ZFHX3: variants seen among roughly 807,000 people sequenced by gnomAD.
ZFHX3 encodes zinc finger homeobox protein 3.
In ZFHX3, 42 loss-of-function variants were observed where a neutral mutation model predicts 279.1. The ratio of observed to expected loss-of-function variants is 0.15; its 90% CI spans 0.12 to 0.19. The LOEUF is 0.19. Ranked by LOEUF, ZFHX3 falls within the 10% of genes least tolerant of loss-of-function variation. The probability of loss-of-function intolerance (pLI) is 1.00; values close to 1 mark genes in which losing one functional copy is unlikely to be tolerated. For missense variants in ZFHX3, 4,981 were observed against 4,754.0 expected (o/e 1.05, Z -1.40); for synonymous variants, 2,293 against 1,957.8 (o/e 1.17, Z -4.52).
At chr16:73,764,039 C>T (rs1597101130) in intron 1 of ZFHX3, among the ~76,000 whole-genome samples, 1 of 152,332 alleles carries the variant, frequency 6.6e-6, no homozygotes, top group East Asian at 1.9e-4. Context: ...GAACCTAGCT[C>T]AGCAGGGCCC....
rs2052787221 is a variant in ZFHX3 at position 73,661,743 on chromosome 16, AAG to A, written c.-1547+18435_-1547+18436del. 2.6e-5 allele frequency among the ~76,000 whole-genome samples: 4 copies of A among 151,802 alleles called. No homozygotes were observed. In the East Asian group the frequency reaches 5.8e-4, roughly 22 times the overall value. On this transcript the variant is annotated intron_variant, in intron 2 of 17. Transcript: ENST00000641206. ...TCTCAGAAAAAAAAAAAAAAAAAAA[AAG>A]GATGTGTGAGGTATTAGTAATGGTT...
intron 3 of ZFHX3, among the ~76,000 whole-genome samples, chr16:72,914,216 G>A (rs1371237346): frequency 6.6e-6 from 1 of 152,190 alleles, no homozygotes; most frequent in Non-Finnish European, 1.5e-5. Context: ...GAGTGACAGC[G>A]CTAAGGAGGC....
At chr16:73,461,118 T>C (rs961395004) in intron 2 of ZFHX3, among the ~76,000 whole-genome samples, 1 of 152,250 alleles carries the variant, frequency 6.6e-6, no homozygotes, top group Non-Finnish European at 1.5e-5. Context: ...TCATGATATC[T>C]CATCATCCTT....
At chr16:73,515,814 A>G (rs2019511362) in intron 2 of ZFHX3, among the ~76,000 whole-genome samples, 1 of 152,176 alleles carries the variant, frequency 6.6e-6, no homozygotes, top group African/African-American at 2.4e-5. Context: ...CATTTTGATC[A>G]TCTGACCAGC....
chr16:72,965,136 C>T (rs1961772998), intron 1 of ZFHX3, among the ~76,000 whole-genome samples: 1 of 152,234 alleles, frequency 6.6e-6, no homozygotes. Flanking sequence ...GCCTCGGCCT[C>T]CCAAAGTGCT....
chr16:73,821,784 C>T (rs75146428), intron 1 of ZFHX3, among the ~76,000 whole-genome samples: 4 of 152,326 alleles, frequency 2.6e-5, no homozygotes, highest in East Asian at 3.9e-4. Flanking sequence ...AGAAAGGAGA[C>T]GGTCGTCAGG....
rs113325845 is a variant in ZFHX3 at position 73,715,096 on chromosome 16, C to G, written c.-1607-34856G>C. On this transcript the variant is annotated intron_variant, in intron 1 of 17. Transcript: ENST00000641206. The stretch of plus-strand genomic sequence containing the variant: ...CTGCTCCCAATCTGCCTGCTCGGGT[C>G]AAGCTGGATGACTAGAAATTGTACT... Among the ~76,000 whole-genome samples, 328 of 152,278 alleles carry G rather than the reference C, an allele frequency of 2.2e-3. 1 individual carries two copies. Among genetic ancestry groups the G allele is most frequent in the African/African-American group, 7.7e-3 (322 of 41,574 alleles).
intron 1 of ZFHX3, among the ~76,000 whole-genome samples, chr16:72,985,252 C>A (rs1470656377): frequency 6.6e-6 from 1 of 152,008 alleles, no homozygotes; most frequent in African/African-American, 2.4e-5. Flanking sequence ...TCCAGTGAGG[C>A]TGATATCATC....
At chr16:73,872,803 TG>T (rs1379703088) in intron 1 of ZFHX3, among the ~76,000 whole-genome samples, 1 of 4,540 alleles carries the variant, frequency 2.2e-4, no homozygotes, top group Admixed American at 4.9e-3. Context: ...TGGATGGTGG[TG>T]GGTGGTGGGT....
intron 1 of ZFHX3, among the ~76,000 whole-genome samples, chr16:72,989,534 C>T (rs1316815809): frequency 1.3e-5 from 2 of 151,726 alleles, no homozygotes; most frequent in Non-Finnish European, 2.9e-5. Flanking sequence ...ATGCGAGAAG[C>T]AGGCTAAGAA....
At position 72,960,680 on chromosome 16, in the gene ZFHX3, A is replaced by G. The variant is rs578244684; in HGVS notation, c.-49-486T>C. 2.0e-5 allele frequency among the ~76,000 whole-genome samples: 3 copies of G among 152,278 alleles called. No individual in the cohort carries two copies. The South Asian group carries it at 6.2e-4, about 32-fold the overall frequency. ...GGGAGGGCTGAGAAGAGGGAGGTTC[A>G]ATGTCCCTGGAAAAAGGACGGTAAA... On this transcript the variant is annotated intron_variant, in intron 1 of 9. Coordinates refer to ENST00000268489, the MANE Select transcript of ZFHX3 (RefSeq NM_006885.4).
At chr16:73,495,951 G>A (rs1415114991) in intron 2 of ZFHX3, among the ~76,000 whole-genome samples, 2 of 151,960 alleles carry the variant, frequency 1.3e-5, no homozygotes, top group South Asian at 2.1e-4. Flanking sequence ...TTTTCATCAC[G>A]GTCGTGCTGC....
At chr16:73,094,819 C>G (rs1014869756) in intron 7 of ZFHX3, among the ~76,000 whole-genome samples, 7 of 152,114 alleles carry the variant, frequency 4.6e-5, no homozygotes, top group African/African-American at 7.2e-5. Context: ...AAGTGATTCT[C>G]CTGCTTCAGC....
chr16:73,725,637 T>C (rs989559170), intron 1 of ZFHX3, among the ~76,000 whole-genome samples: 8 of 151,932 alleles, frequency 5.3e-5, no homozygotes, highest in African/African-American at 1.9e-4. Context: ...GAGAACAAAA[T>C]GGTAAAGCAT....
intron 5 of ZFHX3, chr16:73,143,888 G>A (rs750919535): frequency 9.6e-6 from 7 of 728,976 alleles, no homozygotes; most frequent in African/African-American, 1.9e-5. Context: ...GCAAACCTTC[G>A]CAGGCCAAGT....
At chr16:73,139,841 GA>G (rs1232974236) in intron 6 of ZFHX3, among the ~76,000 whole-genome samples, 1 of 152,230 alleles carries the variant, frequency 6.6e-6, no homozygotes, top group Non-Finnish European at 1.5e-5. Flanking sequence ...GGAATATGAA[GA>G]AAAGTTTCAG....
intron 7 of ZFHX3, among the ~76,000 whole-genome samples, chr16:73,114,025 T>C (rs1013694613): frequency 3.3e-5 from 5 of 151,976 alleles, no homozygotes; most frequent in Non-Finnish European, 5.9e-5. Context: ...CTCCATCTCC[T>C]GACCTTGTGA....
At chr16:73,527,005 C>A (rs1567509971) in intron 2 of ZFHX3, among the ~76,000 whole-genome samples, 1 of 151,934 alleles carries the variant, frequency 6.6e-6, no homozygotes, top group Non-Finnish European at 1.5e-5. Flanking sequence ...TAAGAGACAA[C>A]TAGTTTGAGA....
intron 3 of ZFHX3, chr16:73,402,624 C>A (rs987010083): frequency 1.3e-5 from 2 of 152,236 alleles, no homozygotes; most frequent in Admixed American, 1.3e-4. Flanking sequence ...GTCCTGCCAT[C>A]TTACCCACGG....
Sources: gnomAD v4.1 joint callset for allele counts (sites outside exome capture counted in the v4.1 genomes callset) on GRCh38, gnomAD v4.1.1 for gene constraint, MANE v1.5 for transcripts, NCBI Gene and HGNC (gene_info 2026-07-23, HGNC 2026-07-21) for gene names.